The following GRK4 variants were observed in gnomAD, a reference collection of about 807,000 sequenced individuals.
GRK4 encodes G protein-coupled receptor kinase 4.
In GRK4, 73 loss-of-function variants were observed where a neutral mutation model predicts 77.9. The observed-to-expected ratio is 0.94, with a 90% CI of 0.78 to 1.14. The LOEUF is 1.14. Among genes scored for constraint, GRK4 ranks in the 50% most tolerant of loss-of-function variants. The probability of loss-of-function intolerance (pLI) is 0.00; values close to 1 mark genes in which losing one functional copy is unlikely to be tolerated. For synonymous variants in GRK4, 257 were observed against 254.4 expected, an observed-to-expected ratio of 1.01 and a Z score of -0.10; for missense variants, 729 against 700.2, an observed-to-expected ratio of 1.04 and a Z score of -0.46.
chr4:3,023,247 C>T (rs1373168832), intron 10 of GRK4, among the ~76,000 whole-genome samples: 1 of 152,182 alleles, frequency 6.6e-6, no homozygotes, highest in African/African-American at 2.4e-5. Flanking sequence ...CACACTCCAC[C>T]TTGGTTCCTC....
Position 2,995,054 on chromosome 4 carries a change from T to C in GRK4, c.339+2762T>C, listed in dbSNP as rs185334490. ...TGGTATTTGGTTTTCTGTTCCTGTG[T>C]TAGTTTGCTAAGGATAATGGCCTCC... is the stretch of plus-strand genomic sequence containing the variant. On this transcript the variant is annotated intron_variant, in intron 4 of 15. Transcript: ENST00000398052. Among the ~76,000 whole-genome samples the C allele has an allele frequency of 3.5e-3, 532 of 152,272 alleles. 5 individuals are homozygous for C. Among genetic ancestry groups the C allele is most frequent in the African/African-American group, 9.2e-3 (384 of 41,532 alleles).
chr4:2,985,628 G>T (rs555558446), intron 2 of GRK4, among the ~76,000 whole-genome samples: 3 of 152,112 alleles, frequency 2.0e-5, no homozygotes, highest in African/African-American at 7.2e-5. Context: ...TAAAAATATG[G>T]TATATCAGTG....
Position 3,038,441 on chromosome 4 carries a change from T to A in GRK4, c.1611T>A (p.Asp537Glu). ...AAAGTGAGGAAGCTTTGCCATTAGA[T>A]CTAGACAAGAACATACATACCCCGG... is the stretch of plus-strand genomic sequence containing the variant. ...KSESEEALPLDLDKNIHTPVS... is the reference protein window; with the variant it reads ...KSESEEALPLELDKNIHTPVS... Residue 537 changes from aspartate (D) to glutamate (E), a missense_variant, in exon 15 of 16, where the codon GAT becomes GAA. Coordinates refer to ENST00000398052, the MANE Select transcript of GRK4 (RefSeq NM_182982.3). 6.2e-7 allele frequency: 1 copy of A among 1,614,006 alleles called. No homozygotes were observed. The highest frequency in any genetic ancestry group is 8.5e-7 in the Non-Finnish European group (1 of 1,179,996).
intron 1 of GRK4, among the ~76,000 whole-genome samples, chr4:2,967,459 G>GGT (rs932719775): frequency 5.1e-4 from 78 of 152,218 alleles, no homozygotes; most frequent in Admixed American, 4.6e-3. Flanking sequence ...GGAGTGCAGT[G>GGT]GTATGATCTC....
intron 1 of GRK4, chr4:2,965,380 G>A (rs776332646): frequency 2.8e-5 from 20 of 702,868 alleles, no homozygotes; most frequent in Non-Finnish European, 3.4e-5. Context: ...ACAGAGCCTC[G>A]GACCTCAAGT....
In GRK4 at chr4:3,040,755, C is replaced by A; in HGVS notation, c.*130C>A. On this transcript the variant is annotated 3_prime_UTR_variant, in exon 16 of 16. Coordinates refer to ENST00000398052, the MANE Select transcript of GRK4 (RefSeq NM_182982.3). ...CCTTGGGAGTGTACAGACCTTTCTG[C>A]ACTAATACCTGAGTTGTCTTTTCAC... is the stretch of plus-strand genomic sequence containing the variant. The A allele has an allele frequency of 1.4e-6, 1 of 690,714 alleles. No homozygotes were observed. The highest frequency in any genetic ancestry group is 2.4e-6 in the Non-Finnish European group (1 of 412,626). 42.8% of individuals were successfully genotyped at this position (690,714 alleles called of 1,614,324 possible).
chr4:3,034,947 T>C (rs928249047), intron 12 of GRK4, among the ~76,000 whole-genome samples: 6 of 152,180 alleles, frequency 3.9e-5, no homozygotes, highest in African/African-American at 9.7e-5. Context: ...TGAGGTCTGC[T>C]TGATGCTTGG....
Position 3,039,129 on chromosome 4 carries a change from T to C in GRK4, c.1683+616T>C, listed in dbSNP as rs559934425. 1.5e-4 allele frequency among the ~76,000 whole-genome samples: 23 copies of C among 152,082 alleles called. No homozygotes were observed. In the South Asian group the frequency reaches 4.4e-3, roughly 29 times the overall value. On this transcript the variant is annotated intron_variant, in intron 15 of 15. Transcript: ENST00000398052. ...TACTTGGGAGGCTGAGGCAGGAGAA[T>C]CGCGTGAACCCAGGAGGTGGAGGGT...
intron 5 of GRK4, among the ~76,000 whole-genome samples, chr4:3,007,422 C>T (rs1731637704): frequency 6.6e-6 from 1 of 152,180 alleles, no homozygotes; most frequent in African/African-American, 2.4e-5. Context: ...TCTATGCTGT[C>T]CTCCAGAGGA....
chr4:2,963,935 C>T lies in GRK4; in HGVS notation c.-136C>T. 1.2e-6 allele frequency: 1 copy of T among 831,740 alleles called. No individual in the cohort carries two copies. The highest frequency in any genetic ancestry group is 2.0e-6 in the Non-Finnish European group (1 of 505,562). 51.5% of individuals were successfully genotyped at this position (831,740 alleles called of 1,614,324 possible). On this transcript the variant is annotated 5_prime_UTR_variant, in exon 1 of 16. Coordinates refer to ENST00000398052, the MANE Select transcript of GRK4 (RefSeq NM_182982.3). ...GGCAGTGGTGGCGGCGGAGCAGCCT[C>T]CCGGGATCGTGTCCGGAGCTCGAGG... is the stretch of plus-strand genomic sequence containing the variant.
chr4:2,965,162 C>G, intron 1 of GRK4: 1 of 637,456 alleles, frequency 1.6e-6, no homozygotes, highest in Non-Finnish European at 2.8e-6. Context: ...CAAGGCTCAG[C>G]TTTTTGGATG....
rs551225957 is a variant in GRK4, at chr4:2,987,139, T to C, written c.149-1588T>C. The C allele has an allele frequency of 7.7e-6, 4 of 518,566 alleles. No individual in the cohort carries two copies. In the East Asian group the frequency reaches 2.2e-4, roughly 28 times the overall value. The allele number at this position is 518,566 out of a possible 1,614,324, so 32.1% of individuals were successfully genotyped here. On this transcript the variant is annotated intron_variant, in intron 2 of 15. Coordinates refer to ENST00000398052, the MANE Select transcript of GRK4 (RefSeq NM_182982.3). ...CCTTCCTGCCCGCTACCTCCAGAGC[T>C]AGACAACTACAAATCCACTTTCTGT... is the stretch of plus-strand genomic sequence containing the variant.
chr4:2,974,687 T>A (rs1236810584), intron 1 of GRK4, among the ~76,000 whole-genome samples: 3 of 152,224 alleles, frequency 2.0e-5, no homozygotes, highest in Non-Finnish European at 1.5e-5. Context: ...TGTTTTTTAT[T>A]CTGATAGTTT....
At chr4:3,021,533 G>A (rs1183151905) in intron 9 of GRK4, among the ~76,000 whole-genome samples, 2 of 152,186 alleles carry the variant, frequency 1.3e-5, no homozygotes, top group African/African-American at 4.8e-5. Context: ...AAGGACCAGA[G>A]ACCAGGCTTG....
chr4:3,038,290 T>G (rs1478996845), intron 14 of GRK4, 86 bp from the exon 15 acceptor site: 1 of 1,532,160 alleles, frequency 6.5e-7, no homozygotes, highest in African/African-American at 1.4e-5. Flanking sequence ...CGCACGGGGC[T>G]GGGCAGGAGC....
intron 4 of GRK4, among the ~76,000 whole-genome samples, chr4:3,001,073 C>CTATATATATATATA (rs368506630): frequency 3.9e-5 from 3 of 76,124 alleles, no homozygotes; most frequent in African/African-American, 1.3e-4. Context: ...CTAAATGAGA[C>CTATATATATATATA]TATATATATA....
intron 10 of GRK4, among the ~76,000 whole-genome samples, chr4:3,024,293 C>G (rs1198477605): frequency 6.6e-6 from 1 of 152,058 alleles, no homozygotes; most frequent in Non-Finnish European, 1.5e-5. Context: ...TCTATGCTAC[C>G]CAGGCTGGGT....
chr4:3,034,928 C>A (rs1740162962), intron 12 of GRK4, among the ~76,000 whole-genome samples: 1 of 152,154 alleles, frequency 6.6e-6, no homozygotes, highest in Non-Finnish European at 1.5e-5. Context: ...TGAGTAAAGT[C>A]TGAGTTCCTG....
At chr4:2,968,350 T>C (rs1008068391) in intron 1 of GRK4, among the ~76,000 whole-genome samples, 1 of 152,204 alleles carries the variant, frequency 6.6e-6, no homozygotes, top group Non-Finnish European at 1.5e-5. Context: ...GAGCAGTTTC[T>C]TTAACACCTG....
Sources: gnomAD v4.1 joint callset for allele counts (sites outside exome capture counted in the v4.1 genomes callset) on GRCh38, gnomAD v4.1.1 for gene constraint, MANE v1.5 for transcripts, NCBI Gene and HGNC (gene_info 2026-07-23, HGNC 2026-07-21) for gene names.